ADAM22: variants seen among roughly 807,000 people sequenced by gnomAD.
ADAM22 encodes ADAM metallopeptidase domain 22, also known as disintegrin and metalloproteinase domain-containing protein 22.
In ADAM22, 65 loss-of-function variants were observed where a neutral mutation model predicts 144.6. That is an observed-to-expected ratio of 0.45 (90% CI 0.37 to 0.55). ADAM22 has a LOEUF of 0.55. Among genes scored for constraint, ADAM22 ranks in the 20% least tolerant of loss-of-function variants. The probability of loss-of-function intolerance (pLI) is 0.00; values close to 1 mark genes in which losing one functional copy is unlikely to be tolerated. For missense variants in ADAM22, 974 were observed against 1,184.9 expected (o/e 0.82, Z 2.61); for synonymous variants, 391 against 412.6 (o/e 0.95, Z 0.63).
chr7:88,108,339 T>C, intron 5 of ADAM22, 81 bp downstream of exon 5: 1 of 1,087,458 alleles, frequency 9.2e-7, no homozygotes, highest in South Asian at 1.5e-5. Context: ...ATAGTAGATA[T>C]CCCTATTTTG....
chr7:88,072,784 CT>C (rs1223570614), intron 3 of ADAM22, among the ~76,000 whole-genome samples: 1 of 152,174 alleles, frequency 6.6e-6, no homozygotes, highest in Non-Finnish European at 1.5e-5. Flanking sequence ...TGATGTTTCT[CT>C]CCTACATCTG....
At chr7:88,046,232 T>A (rs890099233) in intron 3 of ADAM22, among the ~76,000 whole-genome samples, 1 of 152,326 alleles carries the variant, frequency 6.6e-6, no homozygotes, top group East Asian at 1.9e-4. Flanking sequence ...GCCCTTGCTA[T>A]CTTTTTGTTA....
Position 88,143,140 on chromosome 7 carries a change from T to G in ADAM22, c.1320+15T>G. The G allele has an allele frequency of 1.3e-6, 2 of 1,485,450 alleles. No homozygotes were observed. The highest frequency in any genetic ancestry group is 1.9e-6 in the Non-Finnish European group (2 of 1,068,950). 92.0% of individuals were successfully genotyped at this position (1,485,450 alleles called of 1,614,324 possible). A position where few individuals can be genotyped will look rare whatever the true frequency, so the allele number is the denominator to read the frequency against. On this transcript the variant is annotated intron_variant, in intron 15 of 31. Coordinates refer to ENST00000413139, the MANE Select transcript of ADAM22 (RefSeq NM_001324418.2). The stretch of plus-strand genomic sequence containing the variant: ...AACCTTCTAAGGTAATAAGTGTGGT[T>G]AATAAGGTTTATAATATTAATTATC...
At chr7:88,092,041 C>G (rs754880779) in intron 4 of ADAM22, among the ~76,000 whole-genome samples, 8 of 150,482 alleles carry the variant, frequency 5.3e-5, no homozygotes, top group Non-Finnish European at 1.2e-4. Context: ...GTGTATTGTT[C>G]AGCACAGGGG....
chr7:88,111,960 G>A (rs748147424), intron 5 of ADAM22, among the ~76,000 whole-genome samples: 11 of 152,086 alleles, frequency 7.2e-5, no homozygotes, highest in Non-Finnish European at 1.3e-4. Flanking sequence ...CTAGTATAAG[G>A]ATAAATAACA....
At chr7:88,011,114 A>C (rs185766076) in intron 3 of ADAM22, among the ~76,000 whole-genome samples, 17 of 152,372 alleles carry the variant, frequency 1.1e-4, no homozygotes, top group Admixed American at 9.1e-4. Flanking sequence ...GAATATAATT[A>C]GGAAAGCTAG....
At chr7:87,972,352 A>G (rs1272916241) in intron 2 of ADAM22, among the ~76,000 whole-genome samples, 1 of 151,354 alleles carries the variant, frequency 6.6e-6, no homozygotes, top group Non-Finnish European at 1.5e-5. Flanking sequence ...AAGAGAATAA[A>G]ATACCTAGGA....
chr7:87,970,963 A>C (rs891686575), intron 2 of ADAM22, among the ~76,000 whole-genome samples: 2 of 152,174 alleles, frequency 1.3e-5, no homozygotes, highest in Admixed American at 1.3e-4. Flanking sequence ...CACAGCTTCT[A>C]TAAATGTCAG....
chr7:88,128,737 A>G, intron 9 of ADAM22, 61 bp downstream of exon 9: 2 of 1,345,870 alleles, frequency 1.5e-6, no homozygotes, highest in South Asian at 2.5e-5. Flanking sequence ...TGAGTGCAAA[A>G]ATATGTTTAG....
chr7:88,039,416 TGGGCAACA>T (rs1179826137), intron 3 of ADAM22, among the ~76,000 whole-genome samples: 1 of 117,378 alleles, frequency 8.5e-6, no homozygotes, highest in Non-Finnish European at 1.8e-5. Context: ...CACTCCAGCC[TGGGCAACA>T]GGGCAACAGA....
At chr7:88,058,791 A>G (rs773431588) in intron 3 of ADAM22, among the ~76,000 whole-genome samples, 20 of 152,242 alleles carry the variant, frequency 1.3e-4, no homozygotes, top group Non-Finnish European at 2.1e-4. Flanking sequence ...TATAATGTGA[A>G]ATGAAAATGT....
At chr7:88,100,830 C>T (rs190789950) in intron 4 of ADAM22, among the ~76,000 whole-genome samples, 1 of 151,934 alleles carries the variant, frequency 6.6e-6, no homozygotes, top group African/African-American at 2.4e-5. Flanking sequence ...AGGAGACTTA[C>T]AACTGGGAAG....
chr7:88,157,024 G>GT (rs1212998337), intron 22 of ADAM22, among the ~76,000 whole-genome samples: 1 of 151,952 alleles, frequency 6.6e-6, no homozygotes, highest in Admixed American at 6.6e-5. Context: ...ATAGGGTGCT[G>GT]TTTTTTTAAA....
intron 2 of ADAM22, among the ~76,000 whole-genome samples, chr7:87,945,689 T>G (rs937796937): frequency 2.6e-5 from 4 of 152,050 alleles, no homozygotes; most frequent in Admixed American, 1.3e-4. Context: ...ATTTTTTGTA[T>G]TTTTAGTAGA....
chr7:88,186,676 A>G lies in ADAM22; in HGVS notation c.2725A>G (p.Lys909Glu). 6.2e-7 allele frequency: 1 copy of G among 1,609,780 alleles called. No homozygotes were observed. Among genetic ancestry groups the G allele is most frequent in the Non-Finnish European group, 8.5e-7 (1 of 1,176,112 alleles). ...NVAKWVEDVN[K>E]NTEGPYFRTL... ...AGCTAAGTGGGTAGAAGATGTGAAT[A>G]AAAACACTGAAGGACCATACTTTAG... The change falls in exon 30 of 32, where the codon AAA (lysine) becomes GAA (glutamate). Residue 909 changes from lysine to glutamate, a missense_variant. By Grantham distance (56) the Lys-to-Glu change is moderately conservative. Around this residue, in one of 2 missense-constraint regions of ADAM22, gnomAD observed 734 missense variants for 950.6 expected, o/e 0.77. Coordinates refer to ENST00000413139, the MANE Select transcript of ADAM22 (RefSeq NM_001324418.2).
chr7:88,174,479 G>A (rs1200907968), intron 26 of ADAM22, among the ~76,000 whole-genome samples: 5 of 152,070 alleles, frequency 3.3e-5, no homozygotes, highest in South Asian at 4.2e-4. Context: ...AAATATTCAG[G>A]AAGGAAAACT....
At chr7:88,138,014 C>T (rs35549447) in intron 14 of ADAM22, among the ~76,000 whole-genome samples, 26,584 of 151,962 alleles carry the variant, frequency 0.17, 3,801 homozygotes, top group African/African-American at 0.39. Flanking sequence ...ATTAACCAGT[C>T]GTGGTGGCAC....
intron 3 of ADAM22, among the ~76,000 whole-genome samples, chr7:88,045,215 A>G (rs1804296744): frequency 6.6e-6 from 1 of 152,000 alleles, no homozygotes; most frequent in Admixed American, 6.6e-5. Context: ...ACAGGGTTTC[A>G]CCATGTTGGC....
chr7:88,116,644 A>T, intron 6 of ADAM22, 101 bp from the exon 7 acceptor site: 1 of 904,404 alleles, frequency 1.1e-6, no homozygotes, highest in Non-Finnish European at 1.8e-6. Context: ...GAGAATGCAT[A>T]GGCAAGCTGT....
Sources: gnomAD v4.1 joint callset for allele counts (sites outside exome capture counted in the v4.1 genomes callset) on GRCh38, gnomAD v4.1.1 for gene constraint, gnomAD v4.1.1 regional missense constraint, MANE v1.5 for transcripts, NCBI Gene and HGNC (gene_info 2026-07-23, HGNC 2026-07-21) for gene names.